FLACC1: variants seen among roughly 807,000 people sequenced by gnomAD.
FLACC1 encodes the protein flagellum-associated coiled-coil domain-containing protein 1.
Under a neutral mutation model 62.8 loss-of-function variants are expected in FLACC1, and 66 were observed. The ratio of observed to expected loss-of-function variants is 1.05; its 90% CI spans 0.86 to 1.29. The LOEUF is 1.29. Ranked by LOEUF, FLACC1 falls within the 50% of genes most tolerant of loss-of-function variation. The pLI is 0.00. For synonymous variants in FLACC1, 156 were observed against 161.0 expected (o/e 0.97, Z 0.24); for missense variants, 452 against 489.1 (o/e 0.92, Z 0.71).
At chr2:201,338,390 AT>A (rs1950738197) in intron 7 of FLACC1, among the ~76,000 whole-genome samples, 1 of 151,962 alleles carries the variant, frequency 6.6e-6, no homozygotes, top group East Asian at 1.9e-4. Context: ...GATGCCTTTT[AT>A]TTTTTTCTTT....
Position 201,351,269 on chromosome 2 carries a change from A to G in FLACC1, c.113+23T>C, listed in dbSNP as rs371253264. On this transcript the variant is annotated intron_variant, in intron 2 of 14. Transcript: ENST00000392257. ...AATGGATCCCAAGGTCCCTGTGCCT[A>G]CCCCATCCCAGATAATTCTTACTTG... 143 of 1,562,700 alleles carry G rather than the reference A, an allele frequency of 9.2e-5. No homozygotes were observed. In the African/African-American group the frequency reaches 1.9e-3, roughly 20 times the overall value.
intron 9 of FLACC1, 23 bp downstream of exon 9, chr2:201,330,447 C>T (rs767302855): frequency 1.9e-6 from 3 of 1,605,618 alleles, no homozygotes; most frequent in East Asian, 2.2e-5. Flanking sequence ...TCTTGTAATC[C>T]AACAGGGAGC....
intron 11 of FLACC1, among the ~76,000 whole-genome samples, chr2:201,301,697 C>A (rs1179449287): frequency 6.6e-6 from 1 of 152,170 alleles, no homozygotes. Flanking sequence ...TTGGGTTACC[C>A]ACAAAGGGAA....
At chr2:201,288,950 A>G (rs553641114) in intron 14 of FLACC1, among the ~76,000 whole-genome samples, 169 bp from the exon 15 acceptor site, 1 of 152,202 alleles carries the variant, frequency 6.6e-6, no homozygotes, top group Non-Finnish European at 1.5e-5. Flanking sequence ...TCAGGTGACT[A>G]AAGTCCTATA....
At position 201,289,563 on chromosome 2, in the gene FLACC1, C is replaced by G; in HGVS notation, c.1036G>C (p.Ala346Pro). The G allele has an allele frequency of 3.1e-6, 5 of 1,614,166 alleles. No individual in the cohort carries two copies. Among genetic ancestry groups the G allele is most frequent in the Non-Finnish European group, 4.2e-6 (5 of 1,179,992 alleles). The change falls in exon 14 of 15, where the codon GCT becomes CCT. Residue 346 changes from alanine (A) to proline (P), a missense_variant. Coordinates refer to ENST00000392257, the MANE Select transcript of FLACC1 (RefSeq NM_001127391.3). ...ATTTTCTCCAGATTTCCCACTATAGCTTTCTGAAAGACATACATTTTAATA... is the reference window on the plus strand; with the variant it reads ...ATTTTCTCCAGATTTCCCACTATAGGTTTCTGAAAGACATACATTTTAATA... ...YTQLELQKEKAIVGNLEKMLQ... is the reference protein window; with the variant it reads ...YTQLELQKEKPIVGNLEKMLQ...
At chr2:201,320,449 T>C (rs1041717246) in intron 9 of FLACC1, among the ~76,000 whole-genome samples, 31 of 152,202 alleles carry the variant, frequency 2.0e-4, no homozygotes, top group African/African-American at 7.2e-4. Flanking sequence ...CAGTTGCAAG[T>C]TCTGAGTGCA....
chr2:201,321,720 G>A (rs1012033993), intron 9 of FLACC1, among the ~76,000 whole-genome samples: 2 of 152,162 alleles, frequency 1.3e-5, no homozygotes, highest in Non-Finnish European at 2.9e-5. Flanking sequence ...ATGAAAAGCT[G>A]GAGCACTGAA....
intron 12 of FLACC1, among the ~76,000 whole-genome samples, chr2:201,293,898 A>C (rs1480472864): frequency 6.6e-6 from 1 of 152,236 alleles, no homozygotes; most frequent in Non-Finnish European, 1.5e-5. Flanking sequence ...AAACACCTCT[A>C]TGCAAATAAA....
At chr2:201,293,929 G>C (rs916680608) in intron 12 of FLACC1, among the ~76,000 whole-genome samples, 4 of 152,092 alleles carry the variant, frequency 2.6e-5, no homozygotes, top group Non-Finnish European at 5.9e-5. Flanking sequence ...TAGAAGAAAT[G>C]GATAAATTCC....
At chr2:201,364,237 T>G in the FLACC1 span, among the ~76,000 whole-genome samples, 20 of 151,742 alleles carry the variant, frequency 1.3e-4, no homozygotes, top group Non-Finnish European at 2.1e-4. Context: ...GCATTCTTTA[T>G]AGTCACACTC....
intron 9 of FLACC1, among the ~76,000 whole-genome samples, chr2:201,312,781 C>T (rs1478442310): frequency 6.6e-6 from 1 of 152,170 alleles, no homozygotes; most frequent in Non-Finnish European, 1.5e-5. Flanking sequence ...AACTTTTGCT[C>T]CAGAACTACT....
intron 6 of FLACC1, among the ~76,000 whole-genome samples, chr2:201,343,196 G>A (rs1950846044): frequency 6.6e-6 from 1 of 152,212 alleles, no homozygotes; most frequent in Non-Finnish European, 1.5e-5. Context: ...ACAAGTGGCA[G>A]TATTTTCAGT....
chr2:201,355,629 G>A (rs977036862), intron 1 of FLACC1, among the ~76,000 whole-genome samples: 1 of 152,080 alleles, frequency 6.6e-6, no homozygotes, highest in African/African-American at 2.4e-5. Flanking sequence ...AGAGACTGAG[G>A]TGGGAGAGTC....
chr2:201,294,664 CT>C (rs1438499308), intron 12 of FLACC1, among the ~76,000 whole-genome samples: 1 of 152,178 alleles, frequency 6.6e-6, no homozygotes. Context: ...GTTGGAAGTT[CT>C]GGCCAGGGCA....
chr2:201,363,803 T>G, the FLACC1 span, among the ~76,000 whole-genome samples: 1 of 152,084 alleles, frequency 6.6e-6, no homozygotes, highest in Non-Finnish European at 1.5e-5. Flanking sequence ...CTCTACTGGA[T>G]TAGTTTAAGC....
chr2:201,348,203 G>A (rs749428854), intron 4 of FLACC1, 51 bp downstream of exon 4: 2 of 1,565,908 alleles, frequency 1.3e-6, no homozygotes, highest in Non-Finnish European at 1.8e-6. Context: ...CTTGCACATA[G>A]TAGGCACTCA....
intron 12 of FLACC1, among the ~76,000 whole-genome samples, chr2:201,292,247 A>G (rs1442883095): frequency 6.6e-6 from 1 of 152,242 alleles, no homozygotes; most frequent in Non-Finnish European, 1.5e-5. Flanking sequence ...AATTGAAATG[A>G]AGGAAAAAAT....
At chr2:201,325,041 C>T (rs896692877) in intron 9 of FLACC1, among the ~76,000 whole-genome samples, 8 of 151,854 alleles carry the variant, frequency 5.3e-5, no homozygotes, top group African/African-American at 1.2e-4. Context: ...GGCTGAGGTG[C>T]GAGAATTGCT....
chr2:201,313,412 G>A (rs1950252613), intron 9 of FLACC1, among the ~76,000 whole-genome samples: 1 of 152,100 alleles, frequency 6.6e-6, no homozygotes, highest in Non-Finnish European at 1.5e-5. Context: ...GGTTTCGTGG[G>A]AGCTGGGTGA....
Sources: allele counts gnomAD v4.1 joint callset (sites outside exome capture counted in the v4.1 genomes callset), GRCh38; gene constraint gnomAD v4.1.1; transcripts MANE v1.5; gene names NCBI Gene and HGNC (gene_info 2026-07-23, HGNC 2026-07-21).